Variants in MAP1B observed in about 807,000 individuals in gnomAD.
The protein encoded by MAP1B is microtubule-associated protein 1B.
Under a neutral mutation model 176.1 loss-of-function variants are expected in MAP1B, and 12 were observed. The observed-to-expected ratio is 0.07, with a 90% CI of 0.04 to 0.11. The LOEUF (loss-of-function observed/expected upper bound fraction) is 0.11, where lower values mean the gene tolerates loss of function less well. Ranked by LOEUF, MAP1B falls within the 10% of genes least tolerant of loss-of-function variation. MAP1B has a pLI of 1.00. For missense variants in MAP1B, 2,523 were observed against 2,990.5 expected (o/e 0.84, Z 3.65); for synonymous variants, 1,044 against 1,135.0 (o/e 0.92, Z 1.61).
intron 2 of MAP1B, among the ~76,000 whole-genome samples, chr5:72,123,728 C>A (rs59126163): frequency 0.02 from 3,044 of 152,240 alleles, 67 homozygotes; most frequent in African/African-American, 0.057. Flanking sequence ...TCGTGATCTG[C>A]CCGCCTCGGC....
chr5:72,172,407 G>A (rs778218615), intron 2 of MAP1B, among the ~76,000 whole-genome samples: 1 of 152,106 alleles, frequency 6.6e-6, no homozygotes, highest in East Asian at 1.9e-4. Flanking sequence ...GTGTTATGTC[G>A]GCCATTTGCA....
rs774112690 is a variant in MAP1B at position 72,205,070 on chromosome 5, T to G, written c.7252-14T>G. The stretch of plus-strand genomic sequence containing the variant: ...CTGCCCTTAAATAGCTATTTTTTTT[T>G]TCTCTCCCTGCAGGTGACACTGATC... On this transcript the variant is annotated splice_polypyrimidine_tract_variant and intron_variant, in intron 6 of 6. Coordinates refer to ENST00000296755, the MANE Select transcript of MAP1B (RefSeq NM_005909.5). 1 of 1,585,170 alleles carries G rather than the reference T, an allele frequency of 6.3e-7. No individual in the cohort carries two copies. The highest frequency in any genetic ancestry group is 1.9e-5 in the Admixed American group (1 of 51,552).
At chr5:72,141,803 T>C (rs980614824) in intron 2 of MAP1B, among the ~76,000 whole-genome samples, 1 of 152,242 alleles carries the variant, frequency 6.6e-6, no homozygotes, top group South Asian at 2.1e-4. Flanking sequence ...ATCATATTAC[T>C]TACAGGCTTG....
In MAP1B at chr5:72,159,298, G is replaced by A. The variant is rs1580000558; in HGVS notation, c.287-24445G>A. On this transcript the variant is annotated intron_variant, in intron 2 of 6. Transcript: ENST00000296755. ...AAAGGTGATCTTTCTTTGAAGAAGA[G>A]TGTTTAGATTAGTACAGTATGTTAC... Among the ~76,000 whole-genome samples the A allele has an allele frequency of 2.0e-5, 3 of 152,324 alleles. No homozygotes were observed. In the South Asian group the frequency reaches 6.2e-4, roughly 32 times the overall value.
chr5:72,108,732 G>A (rs939893315), intron 1 of MAP1B, among the ~76,000 whole-genome samples: 1 of 152,060 alleles, frequency 6.6e-6, no homozygotes, highest in Non-Finnish European at 1.5e-5. Flanking sequence ...CTGGGCTTGC[G>A]CTCCGCCCGG....
intron 2 of MAP1B, among the ~76,000 whole-genome samples, chr5:72,181,891 A>T (rs1746775705): frequency 6.6e-6 from 1 of 151,418 alleles, no homozygotes; most frequent in Non-Finnish European, 1.5e-5. Flanking sequence ...CACCTGGCTA[A>T]TTTTTTGTAT....
intron 2 of MAP1B, among the ~76,000 whole-genome samples, chr5:72,123,980 AAG>A (rs773130080): frequency 6.6e-6 from 1 of 152,172 alleles, no homozygotes; most frequent in African/African-American, 2.4e-5. Context: ...GAGAGAGAGA[AAG>A]AGAGAGTGTG....
rs540914432 is a variant in MAP1B, at chr5:72,186,835, A to T, written c.510+81A>T. 2.4e-5 allele frequency: 36 copies of T among 1,527,662 alleles called. No individual in the cohort carries two copies. The African/African-American group carries it at 4.0e-4, about 17-fold the overall frequency. The allele number at this position is 1,527,662 out of a possible 1,614,324, so 94.6% of individuals were successfully genotyped here. A position where few individuals can be genotyped will look rare whatever the true frequency, so the allele number is the denominator to read the frequency against. ...CTCTTTGAGAGCACTGGGGGAGACA[A>T]AAGAAGAAGGGAGGGAACCTCACAG... On this transcript the variant is annotated intron_variant, in intron 4 of 6. Coordinates refer to ENST00000296755, the MANE Select transcript of MAP1B (RefSeq NM_005909.5). The surrounding 1 kb of genome is among the most constrained non-coding windows in gnomAD (Gnocchi z 4.3).
Position 72,195,469 on chromosome 5 carries a change from C to T in MAP1B, c.2114C>T (p.Pro705Leu), listed in dbSNP as rs775520012. Residue 705 changes from proline to leucine, a missense_variant, in exon 5 of 7, where the codon CCG becomes CTG. This residue lies in a region of MAP1B where 1,925 missense variants were observed against 2,126.0 expected (regional missense o/e 0.91). Transcript: ENST00000296755. ...EPKKEVKKETPPKEVKKEVKK... is the reference protein window; with the variant it reads ...EPKKEVKKETLPKEVKKEVKK... Reference sequence around the variant, plus strand: ...AAGAAAGAGGTTAAGAAAGAAACACCGCCAAAGGAAGTCAAGAAGGAAGTT... The same window carrying T: ...AAGAAAGAGGTTAAGAAAGAAACACTGCCAAAGGAAGTCAAGAAGGAAGTT... 3.9e-5 allele frequency: 62 copies of T among 1,586,390 alleles called. No individual in the cohort carries two copies. The highest frequency in any genetic ancestry group is 1.9e-4 in the Admixed American group (10 of 53,458).
intron 5 of MAP1B, among the ~76,000 whole-genome samples, chr5:72,200,965 G>A (rs1199664285): frequency 6.6e-6 from 1 of 152,172 alleles, no homozygotes; most frequent in African/African-American, 2.4e-5. Context: ...GTTGACCAGT[G>A]AGTGTCCGGT....
intron 4 of MAP1B, among the ~76,000 whole-genome samples, chr5:72,187,934 C>T (rs1451821188): frequency 6.6e-6 from 1 of 152,234 alleles, no homozygotes; most frequent in South Asian, 2.1e-4. Context: ...TCTTGAAACA[C>T]ATACCAGGAT....
chr5:72,115,613 C>T, intron 1 of MAP1B, 85 bp from the exon 2 acceptor site: 1 of 817,138 alleles, frequency 1.2e-6, no homozygotes, highest in South Asian at 1.4e-5. Context: ...CCCTGAAAGC[C>T]TGAGAAATAT....
intron 1 of MAP1B, among the ~76,000 whole-genome samples, chr5:72,108,606 C>T (rs1745199081): frequency 6.6e-6 from 1 of 152,176 alleles, no homozygotes; most frequent in Non-Finnish European, 1.5e-5. Flanking sequence ...CCGGCGGGCA[C>T]AGCCTCGGGC....
chr5:72,176,443 T>C (rs1335278996), intron 2 of MAP1B, among the ~76,000 whole-genome samples: 2 of 152,238 alleles, frequency 1.3e-5, no homozygotes, highest in East Asian at 1.9e-4. Context: ...TCTTCCACAC[T>C]GTCAAGTCAG....
In MAP1B at chr5:72,186,473, T is replaced by A. The variant is rs942989060; in HGVS notation, c.370-141T>A. On this transcript the variant is annotated intron_variant, in intron 3 of 6. Coordinates refer to ENST00000296755, the MANE Select transcript of MAP1B (RefSeq NM_005909.5). The surrounding 1 kb of genome is among the most constrained non-coding windows in gnomAD (Gnocchi z 4.3). ...TCAACCCTCCCGTGCTCTTCTGGCC[T>A]CCAGGAGAAATTAGACCTTTGGGGA... 2.0e-6 allele frequency: 2 copies of A among 1,013,862 alleles called. No individual in the cohort carries two copies. Among genetic ancestry groups the A allele is most frequent in the Admixed American group, 4.4e-5 (2 of 45,844 alleles). The allele number at this position is 1,013,862 out of a possible 1,614,324, so 62.8% of individuals were successfully genotyped here. A position where few individuals can be genotyped will look rare whatever the true frequency, so the allele number is the denominator to read the frequency against.
At chr5:72,172,628 T>G (rs1157354991) in intron 2 of MAP1B, among the ~76,000 whole-genome samples, 1 of 152,234 alleles carries the variant, frequency 6.6e-6, no homozygotes, top group Non-Finnish European at 1.5e-5. Context: ...GATAAACCTG[T>G]CAAGTGACTC....
intron 3 of MAP1B, among the ~76,000 whole-genome samples, chr5:72,185,937 C>T (rs1746887710): frequency 6.6e-6 from 1 of 152,204 alleles, no homozygotes; most frequent in African/African-American, 2.4e-5. Context: ...GGACAGCTGG[C>T]TTCCTGCCAC....
intron 2 of MAP1B, among the ~76,000 whole-genome samples, chr5:72,178,106 G>C (rs1197924253): frequency 1.3e-5 from 2 of 152,146 alleles, no homozygotes; most frequent in Admixed American, 6.5e-5. Flanking sequence ...GGGTTCAAGT[G>C]ATCCTCGTGC....
rs780462066 is a variant in MAP1B at position 72,197,161 on chromosome 5, A to C, written c.3806A>C (p.Lys1269Thr). Reference protein sequence around the residue: ...LSPSPPSPLEKTPLGERSVNF... With the variant: ...LSPSPPSPLETTPLGERSVNF... ...CCATCTCCACCATCACCCTTAGAAAAGACCCCCCTGGGTGAACGTAGTGTG... is the reference window on the plus strand; with the variant it reads ...CCATCTCCACCATCACCCTTAGAAACGACCCCCCTGGGTGAACGTAGTGTG... The change falls in exon 5 of 7, where the codon AAG (lysine) becomes ACG (threonine). Residue 1269 changes from lysine to threonine, a missense_variant. This residue lies in a region of MAP1B where 1,925 missense variants were observed against 2,126.0 expected (regional missense o/e 0.91). Coordinates refer to ENST00000296755, the MANE Select transcript of MAP1B (RefSeq NM_005909.5). The C allele has an allele frequency of 1.2e-6, 2 of 1,614,198 alleles. No individual in the cohort carries two copies. Among genetic ancestry groups the C allele is most frequent in the Admixed American group, 3.3e-5 (2 of 60,024 alleles).
Sources: allele counts gnomAD v4.1 joint callset (sites outside exome capture counted in the v4.1 genomes callset), GRCh38; gene constraint gnomAD v4.1.1; regional missense constraint gnomAD v4.1.1; non-coding constraint Gnocchi (gnomAD v3.1); transcripts MANE v1.5; gene names NCBI Gene and HGNC (gene_info 2026-07-23, HGNC 2026-07-21).